HEATR1: variants seen among roughly 807,000 people sequenced by gnomAD.
HEATR1 encodes HEAT repeat containing 1, also known as HEAT repeat-containing protein 1.
A neutral mutation model predicts 248.2 loss-of-function variants in HEATR1; 77 were observed. The ratio of observed to expected loss-of-function variants is 0.31; its 90% CI spans 0.26 to 0.37. HEATR1 has a LOEUF of 0.37. HEATR1 is among the 10% of genes least tolerant of loss of function. The probability of loss-of-function intolerance (pLI) is 1.00; values close to 1 mark genes in which losing one functional copy is unlikely to be tolerated. For missense variants in HEATR1, 2,420 were observed against 2,504.9 expected (o/e 0.97, Z 0.72); for synonymous variants, 897 against 923.1 (o/e 0.97, Z 0.51).
chr1:236,555,882 CCTT>C lies in HEATR1; in HGVS notation c.5569_5571del (p.Lys1857del). 1 of 1,613,766 alleles carries C rather than the reference CCTT, an allele frequency of 6.2e-7. No homozygotes were observed. The highest frequency in any genetic ancestry group is 1.1e-5 in the South Asian group (1 of 91,078). ...TGAGACTGATGGGAGGTGAGCTCTT[CCTT>C]CTTCATCACCCCAATATGCTCTTGC... On this transcript the variant is annotated inframe_deletion, in exon 39 of 45. Coordinates refer to ENST00000366582, the MANE Select transcript of HEATR1 (RefSeq NM_018072.6).
At chr1:236,577,028 A>T in intron 20 of HEATR1, 79 bp from the exon 21 acceptor site, 1 of 1,113,808 alleles carries the variant, frequency 9.0e-7, no homozygotes, top group Non-Finnish European at 1.3e-6. Flanking sequence ...TACCAAAGGT[A>T]CTTGATAAAA....
intron 11 of HEATR1, among the ~76,000 whole-genome samples, chr1:236,591,312 G>A (rs1185538584): frequency 6.6e-6 from 1 of 152,084 alleles, no homozygotes; most frequent in East Asian, 1.9e-4. Context: ...TCATCTACAT[G>A]ATATAACAAA....
chr1:236,587,322 A>C (rs117912385), intron 14 of HEATR1, 80 bp downstream of exon 14: 2 of 643,206 alleles, frequency 3.1e-6, no homozygotes, highest in Non-Finnish European at 4.9e-6. Flanking sequence ...GCCTTAAAAA[A>C]AAAAAGAAGA....
intron 31 of HEATR1, among the ~76,000 whole-genome samples, chr1:236,565,689 A>G (rs1424038176): frequency 1.3e-5 from 2 of 152,218 alleles, no homozygotes; most frequent in African/African-American, 4.8e-5. Context: ...GCAACATTCC[A>G]CAGCCAAGAC....
At position 236,587,928 on chromosome 1, in the gene HEATR1, C is replaced by T. The variant is rs372914717; in HGVS notation, c.1626+20G>A. ...AAATTTACAAAATTGTATACCTCAA[C>T]AAATGACAAATTCACTCACCTCAAA... On this transcript the variant is annotated intron_variant, in intron 13 of 44. Coordinates refer to ENST00000366582, the MANE Select transcript of HEATR1 (RefSeq NM_018072.6). 1.3e-6 allele frequency: 2 copies of T among 1,560,240 alleles called. No individual in the cohort carries two copies. The highest frequency in any genetic ancestry group is 4.5e-5 in the East Asian group (2 of 44,254).
chr1:236,595,455 T>A, intron 8 of HEATR1, 85 bp downstream of exon 8: 1 of 1,090,920 alleles, frequency 9.2e-7, no homozygotes, highest in Non-Finnish European at 1.3e-6. Context: ...ATTTTAAATA[T>A]TTTGAAGCTG....
At chr1:236,551,433 T>TC (rs990326858) in intron 44 of HEATR1, 3 of 162,720 alleles carry the variant, frequency 1.8e-5, no homozygotes, top group African/African-American at 7.2e-5. Context: ...CTGTCACAGC[T>TC]CCCCATGTCA....
Position 236,586,502 on chromosome 1 carries a change from A to G in HEATR1, c.1716-50T>C, listed in dbSNP as rs759347421. 2.4e-6 allele frequency: 3 copies of G among 1,262,302 alleles called. No individual in the cohort carries two copies. In the Admixed American group the frequency reaches 5.5e-5, roughly 23 times the overall value. The allele number at this position is 1,262,302 out of a possible 1,614,324, so 78.2% of individuals were successfully genotyped here. ...GTTGAAAGACACATTGGAAGGCTTC[A>G]ATTGGGCAAAAATTCATCATTACAT... On this transcript the variant is annotated intron_variant, in intron 14 of 44. Transcript: ENST00000366582.
chr1:236,558,441 C>A lies in HEATR1; in HGVS notation c.5000G>T (p.Arg1667Ile). Reference sequence around the variant, plus strand: ...CTTTAAGGTATACAACGCTGTCTGTCTGTTGATTGCTTGTTCTTCTTCCCC... The same window carrying A: ...CTTTAAGGTATACAACGCTGTCTGTATGTTGATTGCTTGTTCTTCTTCCCC... The part of the protein sequence containing the change: ...KEGEEEQAIN[R>I]QTALYTLKLL... Residue 1667 changes from arginine (R) to isoleucine (I), a missense_variant, in exon 36 of 45, where the codon AGA becomes ATA. Transcript: ENST00000366582. The A allele has an allele frequency of 6.2e-7, 1 of 1,614,190 alleles. No homozygotes were observed. The highest frequency in any genetic ancestry group is 8.5e-7 in the Non-Finnish European group (1 of 1,179,992).
chr1:236,604,369 C>T (rs1664416826), intron 1 of HEATR1, 53 bp downstream of exon 1: 3 of 326,736 alleles, frequency 9.2e-6, no homozygotes, highest in Non-Finnish European at 1.6e-5. Flanking sequence ...CTTACCCTCC[C>T]TCGATATGCC....
chr1:236,555,844 A>T lies in HEATR1; in HGVS notation c.5610T>A (p.Phe1870Leu). ...CTCGGAAGTCCAGGGCTTCCAGGAA[A>T]AAGGCGGTTAGCTGAGACTGATGGG... Reference protein sequence around the residue: ...LTSHQSQLTAFFLEALDFRAQ... With the variant: ...LTSHQSQLTALFLEALDFRAQ... The change falls in exon 39 of 45, where the codon TTT becomes TTA. Residue 1870 changes from phenylalanine to leucine, a missense_variant. By Grantham distance (22) the Phe-to-Leu change is conservative. Transcript: ENST00000366582. 6.2e-7 allele frequency: 1 copy of T among 1,614,158 alleles called. No individual in the cohort carries two copies.
intron 17 of HEATR1, among the ~76,000 whole-genome samples, chr1:236,584,470 T>G (rs1179430736): frequency 6.6e-6 from 1 of 152,054 alleles, no homozygotes; most frequent in Non-Finnish European, 1.5e-5. Context: ...CCTCTAAAAT[T>G]TGGAGGACAA....
chr1:236,602,320 T>C (rs1177169294), intron 3 of HEATR1, among the ~76,000 whole-genome samples: 1 of 152,156 alleles, frequency 6.6e-6, no homozygotes, highest in Admixed American at 6.5e-5. Context: ...GCTGTGTGAC[T>C]CAAGAAACTT....
At position 236,565,932 on chromosome 1, in the gene HEATR1, T is replaced by C. The variant is rs1663255939; in HGVS notation, c.4422A>G (p.Pro1474=). ...ATCTACGCTTACCTTCTTTTTCCTC[T>C]GGCAGCTTTAGTAAGTACTGGAGGA... The part of the protein sequence containing the change: ...MNILQYLLKL[P]EEKEETIPKA... Residue 1474 remains proline (P), a synonymous_variant, in exon 31 of 45, where the codon CCA becomes CCG. Coordinates refer to ENST00000366582, the MANE Select transcript of HEATR1 (RefSeq NM_018072.6). 1 of 1,613,610 alleles carries C rather than the reference T, an allele frequency of 6.2e-7. No homozygotes were observed. The highest frequency in any genetic ancestry group is 8.5e-7 in the Non-Finnish European group (1 of 1,179,784).
chr1:236,577,123 GT>G lies in HEATR1; in HGVS notation c.2756-175del, dbSNP rs563072691. Among the ~76,000 whole-genome samples the G allele has an allele frequency of 7.2e-4, 96 of 132,620 alleles. 3 individuals carry two copies. In the South Asian group the frequency reaches 0.021, roughly 29 times the overall value. The allele number at this position is 132,620 out of a possible 152,430, so 87.0% of individuals were successfully genotyped here. A position where few individuals can be genotyped will look rare whatever the true frequency, so the allele number is the denominator to read the frequency against. On this transcript the variant is annotated intron_variant, in intron 20 of 44. Transcript: ENST00000366582. ...AGAAAGGTTAGGCATATGTTACCTG[GT>G]GCATTCTTTTGAAAATACACAAGAG...
At chr1:236,604,387 T>G in intron 1 of HEATR1, 35 bp downstream of exon 1, 4 of 290,544 alleles carry the variant, frequency 1.4e-5, no homozygotes, top group Non-Finnish European at 6.3e-6. Flanking sequence ...GCCGCCCCCA[T>G]CCGCAGCCAC....
rs115919907 is a variant in HEATR1 at position 236,564,390 on chromosome 1, T to C, written c.4599+108A>G. The C allele has an allele frequency of 1.4e-3, 1,259 of 876,418 alleles. 18 individuals are homozygous for C. In the African/African-American group the frequency reaches 0.019, roughly 13 times the overall value. The allele number at this position is 876,418 out of a possible 1,614,324, so 54.3% of individuals were successfully genotyped here. On this transcript the variant is annotated intron_variant, in intron 32 of 44. Transcript: ENST00000366582. ...TCTTGTTCTATTATCTTTAAAGGCG[T>C]GCCTCCCATTTTCATGAGCCATTTA...
chr1:236,591,529 C>G (rs755032956), intron 11 of HEATR1, among the ~76,000 whole-genome samples: 2 of 152,166 alleles, frequency 1.3e-5, no homozygotes, highest in African/African-American at 2.4e-5. Flanking sequence ...AAATGTCTAA[C>G]CTCTAGTATA....
intron 6 of HEATR1, 77 bp from the exon 7 acceptor site, chr1:236,596,121 T>C (rs557783320): frequency 1.4e-4 from 156 of 1,083,360 alleles, no homozygotes; most frequent in Non-Finnish European, 2.0e-4. Context: ...TCTGACAAAT[T>C]AGAAATGTCA....
Sources: gnomAD v4.1 joint callset for allele counts (sites outside exome capture counted in the v4.1 genomes callset) on GRCh38, gnomAD v4.1.1 for gene constraint, MANE v1.5 for transcripts, NCBI Gene and HGNC (gene_info 2026-07-23, HGNC 2026-07-21) for gene names.